The following CTTN variants were observed in gnomAD, a reference collection of about 807,000 sequenced individuals.
CTTN encodes the protein src substrate cortactin.
A neutral mutation model predicts 84.0 loss-of-function variants in CTTN; 28 were observed. That is an observed-to-expected ratio of 0.33 (90% CI 0.25 to 0.46). The LOEUF (loss-of-function observed/expected upper bound fraction) is 0.46, where lower values mean the gene tolerates loss of function less well. Ranked by LOEUF, CTTN falls within the 20% of genes least tolerant of loss-of-function variation. The pLI, the probability that CTTN is intolerant of heterozygous loss-of-function variation, is 1.00. For synonymous variants in CTTN, 301 were observed against 288.8 expected (o/e 1.04, Z -0.43); for missense variants, 641 against 723.8 (o/e 0.89, Z 1.31).
chr11:70,402,087 A>C (rs1409823018), intron 1 of CTTN, among the ~76,000 whole-genome samples: 6 of 152,214 alleles, frequency 3.9e-5, no homozygotes, highest in Non-Finnish European at 7.3e-5. Context: ...TGGGAGACAG[A>C]GGTTGCAGTG....
At chr11:70,403,712 T>C (rs543997535) in intron 1 of CTTN, among the ~76,000 whole-genome samples, 2 of 152,344 alleles carry the variant, frequency 1.3e-5, no homozygotes, top group South Asian at 2.1e-4. Flanking sequence ...CTGTATGGTT[T>C]TGAGGTAGGG....
intron 11 of CTTN, chr11:70,422,693 C>T (rs2058251820): frequency 2.1e-6 from 3 of 1,440,090 alleles, no homozygotes; most frequent in Non-Finnish European, 2.8e-6. Context: ...CCTCCTGCCC[C>T]TCCTGCCCCT....
intron 11 of CTTN, chr11:70,422,190 T>C (rs1591444334): frequency 5.9e-6 from 2 of 336,218 alleles, no homozygotes; most frequent in East Asian, 1.5e-4. Flanking sequence ...CATCCTTCCT[T>C]AGAGCAGTTA....
rs745842560 is a variant in CTTN at position 70,415,659 on chromosome 11, A to G, written c.403-4A>G. 6 of 1,613,848 alleles carry G rather than the reference A, an allele frequency of 3.7e-6. No homozygotes were observed. In the African/African-American group the frequency reaches 8.0e-5, roughly 22 times the overall value. ...ACTTTTTCATGTGTTTTTGGTCGTC[A>G]CAGTCTGCTGTAGGCTTTGAATACC... On this transcript the variant is annotated splice_polypyrimidine_tract_variant and splice_region_variant and intron_variant, in intron 6 of 17. Transcript: ENST00000301843.
chr11:70,406,606 G>A (rs936397214), intron 2 of CTTN, among the ~76,000 whole-genome samples: 1 of 151,790 alleles, frequency 6.6e-6, no homozygotes, highest in African/African-American at 2.4e-5. Flanking sequence ...ATGTGCCATT[G>A]TTCTGTATAA....
chr11:70,409,443 T>C (rs1591433710), intron 4 of CTTN, among the ~76,000 whole-genome samples: 1 of 152,232 alleles, frequency 6.6e-6, no homozygotes, highest in Non-Finnish European at 1.5e-5. Context: ...CTTCTGCCAG[T>C]GGCCGAGGAA....
chr11:70,410,601 T>C (rs2058087448), intron 5 of CTTN, among the ~76,000 whole-genome samples: 1 of 152,202 alleles, frequency 6.6e-6, no homozygotes, highest in South Asian at 2.1e-4. Context: ...TTAGGTCCTC[T>C]CTACCTTAAG....
rs766922817 is a variant in CTTN, at chr11:70,435,546, G to A, written c.*384G>A. ...AGTCGGGACCTCCCAGGACAAGCAC[G>A]AGGCCTCAGGTCGGCCCTGTGGCGG... On this transcript the variant is annotated 3_prime_UTR_variant, in exon 18 of 18. Transcript: ENST00000301843. 2.4e-5 allele frequency: 38 copies of A among 1,571,518 alleles called. No individual in the cohort carries two copies. The East Asian group carries it at 6.7e-4, about 28-fold the overall frequency.
rs1368619940 is a variant in CTTN at position 70,436,211 on chromosome 11, G to A, written c.*1049G>A. 2 of 1,568,234 alleles carry A rather than the reference G, an allele frequency of 1.3e-6. No homozygotes were observed. Among genetic ancestry groups the A allele is most frequent in the African/African-American group, 1.4e-5 (1 of 73,980 alleles). On this transcript the variant is annotated 3_prime_UTR_variant, in exon 18 of 18. Coordinates refer to ENST00000301843, the MANE Select transcript of CTTN (RefSeq NM_005231.4). ...AAGTGTGAAGTGCAGATGAGTGTGTGTTCTTCCCCAAGGTCCCCCCACAGC... is the reference window on the plus strand; with the variant it reads ...AAGTGTGAAGTGCAGATGAGTGTGTATTCTTCCCCAAGGTCCCCCCACAGC...
chr11:70,428,065 C>T (rs920923693), intron 13 of CTTN, among the ~76,000 whole-genome samples: 5 of 151,456 alleles, frequency 3.3e-5, no homozygotes, highest in African/African-American at 1.2e-4. Flanking sequence ...CAACTTGCAG[C>T]TCTCATGGTT....
chr11:70,426,425 AAG>A (rs1180251948), intron 13 of CTTN, among the ~76,000 whole-genome samples: 1 of 151,522 alleles, frequency 6.6e-6, no homozygotes, highest in African/African-American at 2.4e-5. Context: ...AAAAAAAAAA[AAG>A]AGAGAGAGGA....
intron 2 of CTTN, among the ~76,000 whole-genome samples, chr11:70,406,455 G>C (rs2058041703): frequency 6.6e-6 from 1 of 151,304 alleles, no homozygotes; most frequent in Non-Finnish European, 1.5e-5. Flanking sequence ...CAGTTGCTCT[G>C]TGGCCTATGT....
rs35617256 is a variant in CTTN, at chr11:70,420,140, G to A, written c.680-260G>A. 0.21 allele frequency: 125,270 copies of A among 595,734 alleles called. 14,459 individuals carry two copies. The highest frequency in any genetic ancestry group is 0.26 in the Admixed American group (8,586 of 32,778). The allele number at this position is 595,734 out of a possible 1,614,324, so 36.9% of individuals were successfully genotyped here. A position where few individuals can be genotyped will look rare whatever the true frequency, so the allele number is the denominator to read the frequency against. ...GTGAGCCTGTGCTGTCTCATGGTGCGGGTGGAAGCCGCATGCGTGGGAGCT... is the reference window on the plus strand; with the variant it reads ...GTGAGCCTGTGCTGTCTCATGGTGCAGGTGGAAGCCGCATGCGTGGGAGCT... On this transcript the variant is annotated intron_variant, in intron 9 of 17. Transcript: ENST00000301843.
intron 11 of CTTN, 144 bp from the exon 12 acceptor site, chr11:70,422,796 A>G: frequency 6.7e-7 from 1 of 1,497,126 alleles, no homozygotes; most frequent in Non-Finnish European, 9.0e-7. Flanking sequence ...TTGCCTTGCA[A>G]GTGAAGCCTC....
intron 17 of CTTN, 148 bp from the exon 18 acceptor site, chr11:70,434,878 G>A (rs2058397061): frequency 1.3e-6 from 1 of 790,612 alleles, no homozygotes; most frequent in East Asian, 2.5e-5. Flanking sequence ...GCATGGGAGA[G>A]GCAGCAGGAG....
At chr11:70,407,744 A>G (rs1356386303) in intron 4 of CTTN, 153 bp downstream of exon 4, 3 of 621,818 alleles carry the variant, frequency 4.8e-6, no homozygotes, top group Non-Finnish European at 8.5e-6. Context: ...AATATAAGAC[A>G]CACACATATA....
At chr11:70,420,944 G>T (rs1271481015) in intron 10 of CTTN, among the ~76,000 whole-genome samples, 2 of 152,218 alleles carry the variant, frequency 1.3e-5, no homozygotes, top group African/African-American at 2.4e-5. Flanking sequence ...TCTATAAAGT[G>T]GGCCACGGTT....
intron 15 of CTTN, among the ~76,000 whole-genome samples, chr11:70,432,615 G>A (rs2058365943): frequency 1.3e-5 from 2 of 152,362 alleles, no homozygotes; most frequent in Admixed American, 6.5e-5. Flanking sequence ...ATTCTTTGGC[G>A]ATGCCCTGTC....
intron 1 of CTTN, among the ~76,000 whole-genome samples, chr11:70,399,439 G>A (rs888626094): frequency 6.6e-6 from 1 of 151,988 alleles, no homozygotes; most frequent in Non-Finnish European, 1.5e-5. Flanking sequence ...TGAGGGGCTC[G>A]CTGTGGGACG....
Sources: allele counts gnomAD v4.1 joint callset (sites outside exome capture counted in the v4.1 genomes callset), GRCh38; gene constraint gnomAD v4.1.1; transcripts MANE v1.5; gene names NCBI Gene and HGNC (gene_info 2026-07-23, HGNC 2026-07-21).